Variants in ATP8A2 observed in about 807,000 individuals in gnomAD.
The protein encoded by ATP8A2 is phospholipid-transporting ATPase IB.
ATP8A2 carries 100 observed loss-of-function variants against 165.6 expected under a neutral mutation model. The observed-to-expected ratio is 0.60, with a 90% CI of 0.51 to 0.71. The LOEUF (loss-of-function observed/expected upper bound fraction) is 0.71. Among genes scored for constraint, ATP8A2 ranks in the 30% least tolerant of loss-of-function variants. The pLI, the probability that ATP8A2 is intolerant of heterozygous loss-of-function variation, is 0.00. For synonymous variants in ATP8A2, 543 were observed against 548.8 expected (o/e 0.99, Z 0.15); for missense variants, 1,227 against 1,479.5 (o/e 0.83, Z 2.80).
chr13:25,962,644 C>T (rs1160605036), intron 34 of ATP8A2, among the ~76,000 whole-genome samples: 6 of 152,124 alleles, frequency 3.9e-5, no homozygotes, highest in Admixed American at 6.5e-5. Flanking sequence ...ATTGAGACTC[C>T]GAGCTCGGCT....
At chr13:25,943,822 C>G (rs1181203066) in intron 33 of ATP8A2, among the ~76,000 whole-genome samples, 1 of 152,024 alleles carries the variant, frequency 6.6e-6, no homozygotes, top group African/African-American at 2.4e-5. Context: ...CATGGATAAG[C>G]TGCATGTTGC....
At chr13:25,971,277 A>T (rs1038243906) in intron 35 of ATP8A2, among the ~76,000 whole-genome samples, 1 of 151,570 alleles carries the variant, frequency 6.6e-6, no homozygotes, top group African/African-American at 2.4e-5. Context: ...CACAGAGTCT[A>T]TGCTGTCCTG....
chr13:25,468,763 T>G (rs2035744686), intron 1 of ATP8A2: 23 of 895,138 alleles, frequency 2.6e-5, no homozygotes, highest in Non-Finnish European at 3.1e-5. Flanking sequence ...GCGCGGGGCG[T>G]GGGCGTGGGC....
rs532051760 is a variant in ATP8A2 at position 25,750,510 on chromosome 13, G to T, written c.2385-18536G>T. On this transcript the variant is annotated intron_variant, in intron 25 of 36. Transcript: ENST00000381655. This position sits in a 1 kb window ranked among gnomAD's most constrained non-coding sequence, Gnocchi z 4.3. ...CTCCCACCTGCTTCCATGTTGCTCT[G>T]CCCGGCTCCCATTCCGAAGGCCGGT... Among the ~76,000 whole-genome samples, 207 of 151,900 alleles carry T rather than the reference G, an allele frequency of 1.4e-3. No individual in the cohort carries two copies. Among genetic ancestry groups the T allele is most frequent in the African/African-American group, 4.7e-3 (194 of 41,388 alleles).
intron 27 of ATP8A2, among the ~76,000 whole-genome samples, chr13:25,804,629 G>A (rs964517019): frequency 1.3e-4 from 20 of 152,164 alleles, no homozygotes; most frequent in Admixed American, 3.9e-4. Context: ...CTTTAAAGAT[G>A]AGCTTTTCCT....
chr13:25,644,697 T>C (rs939523943), intron 24 of ATP8A2, among the ~76,000 whole-genome samples: 5 of 152,182 alleles, frequency 3.3e-5, no homozygotes, highest in African/African-American at 9.6e-5. Context: ...TTTTCTTTAA[T>C]AGAAGACTTC....
At chr13:25,515,541 T>G (rs527881546) in intron 2 of ATP8A2, among the ~76,000 whole-genome samples, 2 of 152,238 alleles carry the variant, frequency 1.3e-5, no homozygotes, top group African/African-American at 2.4e-5. Context: ...CATGTTCAAC[T>G]TGTCTGGCGA....
rs564619628 is a variant in ATP8A2, at chr13:25,704,682, A to G, written c.2384+5337A>G. Among the ~76,000 whole-genome samples the G allele has an allele frequency of 6.6e-5, 10 of 152,274 alleles. No individual in the cohort carries two copies. The East Asian group carries it at 1.7e-3, about 26-fold the overall frequency. The stretch of plus-strand genomic sequence containing the variant: ...ATGGTTTTATATCTAGGGGACCTTT[A>G]GAGAGATTAAACCATATAAGCACAT... On this transcript the variant is annotated intron_variant, in intron 25 of 36. Transcript: ENST00000381655.
intron 28 of ATP8A2, among the ~76,000 whole-genome samples, chr13:25,835,202 T>C (rs903406454): frequency 6.6e-6 from 1 of 152,140 alleles, no homozygotes; most frequent in Non-Finnish European, 1.5e-5. Flanking sequence ...GAGTATGTAC[T>C]AAGAAAGTGT....
chr13:25,542,262 G>C (rs1299158914), intron 9 of ATP8A2, among the ~76,000 whole-genome samples: 2 of 152,102 alleles, frequency 1.3e-5, no homozygotes, highest in Non-Finnish European at 2.9e-5. Flanking sequence ...TTCTTTCTGT[G>C]CCTACTCTCT....
intron 20 of ATP8A2, among the ~76,000 whole-genome samples, chr13:25,577,439 T>A (rs946147779): frequency 2.6e-5 from 4 of 152,210 alleles, no homozygotes; most frequent in African/African-American, 7.2e-5. Flanking sequence ...ACCAGCATTG[T>A]GTTTTGACTT....
At chr13:25,881,241 CACAGGAGATCTGCTGG>C (rs563483851) in intron 33 of ATP8A2, among the ~76,000 whole-genome samples, 1,992 of 152,144 alleles carry the variant, frequency 0.013, 117 homozygotes, top group Admixed American at 0.1. Context: ...TGTGTTAATA[CACAGGAGATCTGCTGG>C]TTTCTTGCAC....
chr13:25,667,645 T>C (rs1288665878), intron 24 of ATP8A2, among the ~76,000 whole-genome samples: 1 of 152,014 alleles, frequency 6.6e-6, no homozygotes, highest in African/African-American at 2.4e-5. Context: ...AAGCCTCTTT[T>C]TTTTTTTATA....
At chr13:25,533,173 G>C in intron 5 of ATP8A2, 100 bp from the exon 6 acceptor site, 1 of 708,598 alleles carries the variant, frequency 1.4e-6, no homozygotes, top group Non-Finnish European at 2.5e-6. Context: ...GGGTATGTTA[G>C]AATTAATAAA....
intron 33 of ATP8A2, among the ~76,000 whole-genome samples, chr13:25,871,485 G>A (rs1264613554): frequency 6.6e-6 from 1 of 152,108 alleles, no homozygotes. Context: ...CCAGAGAAAG[G>A]CCACCAAGTC....
chr13:25,399,567 T>A (rs1350265759), intron 1 of ATP8A2, among the ~76,000 whole-genome samples: 72 of 2,716 alleles, frequency 0.027, 8 homozygotes, highest in African/African-American at 0.028. Context: ...CCCGGCTAAT[T>A]TTTTTTTTGT....
At chr13:25,388,202 G>A (rs1005486650) in intron 1 of ATP8A2, among the ~76,000 whole-genome samples, 3 of 152,042 alleles carry the variant, frequency 2.0e-5, no homozygotes, top group Admixed American at 6.6e-5. Flanking sequence ...GAAGGAGGAA[G>A]GAAAGAAGGA....
chr13:25,814,085 GCT>G, intron 27 of ATP8A2, among the ~76,000 whole-genome samples: 1 of 87,420 alleles, frequency 1.1e-5, no homozygotes, highest in Non-Finnish European at 2.2e-5. Context: ...CTCTTCATGT[GCT>G]CACACATACA....
At chr13:25,695,758 G>A (rs149653905) in intron 24 of ATP8A2, among the ~76,000 whole-genome samples, 35 of 152,228 alleles carry the variant, frequency 2.3e-4, no homozygotes, top group African/African-American at 7.7e-4. Context: ...TAGTTCTCCC[G>A]TTGCTTCTAC....
Sources: gnomAD v4.1 joint callset for allele counts (sites outside exome capture counted in the v4.1 genomes callset) on GRCh38, gnomAD v4.1.1 for gene constraint, Gnocchi (gnomAD v3.1) non-coding constraint, MANE v1.5 for transcripts, NCBI Gene and HGNC (gene_info 2026-07-23, HGNC 2026-07-21) for gene names.